Variants in RPTOR observed in about 807,000 individuals in gnomAD.
RPTOR encodes the protein regulatory-associated protein of mTOR.
RPTOR carries 21 observed loss-of-function variants against 169.9 expected under a neutral mutation model. The observed-to-expected ratio is 0.12, with a 90% CI of 0.09 to 0.18. The LOEUF is 0.18. RPTOR is among the 10% of genes least tolerant of loss of function. The probability of loss-of-function intolerance (pLI) is 1.00; values close to 1 mark genes in which losing one functional copy is unlikely to be tolerated. For missense variants in RPTOR, 1,133 were observed against 1,855.9 expected (o/e 0.61, Z 7.16); for synonymous variants, 732 against 753.2 (o/e 0.97, Z 0.46).
chr17:80,718,412 C>T (rs1483652916), intron 4 of RPTOR, among the ~76,000 whole-genome samples: 4 of 152,138 alleles, frequency 2.6e-5, no homozygotes, highest in South Asian at 2.1e-4. Flanking sequence ...AGAGCACAGA[C>T]GGAAAGCAAA....
intron 6 of RPTOR, among the ~76,000 whole-genome samples, chr17:80,785,858 A>G (rs1187183442): frequency 6.6e-6 from 1 of 152,154 alleles, no homozygotes; most frequent in African/African-American, 2.4e-5. Flanking sequence ...GAAGCCACTT[A>G]TGTCTTCACC....
At chr17:80,615,672 T>G (rs2065304228) in intron 1 of RPTOR, among the ~76,000 whole-genome samples, 1 of 152,190 alleles carries the variant, frequency 6.6e-6, no homozygotes, top group Non-Finnish European at 1.5e-5. Context: ...GATTTCTTTC[T>G]TCCTTGTCCC....
chr17:80,746,189 G>A lies in RPTOR; in HGVS notation c.655-7821G>A, dbSNP rs1219755599. Among the ~76,000 whole-genome samples, 1 of 144,602 alleles carries A rather than the reference G, an allele frequency of 6.9e-6. No homozygotes were observed. The highest frequency in any genetic ancestry group is 1.6e-5 in the Non-Finnish European group (1 of 64,132). 94.9% of individuals were successfully genotyped at this position (144,602 alleles called of 152,430 possible). A position where few individuals can be genotyped will look rare whatever the true frequency, so the allele number is the denominator to read the frequency against. ...AAAAAAAAAAAAAAAGTGCAGTGCAGGTGATCCCCACCGCCCCCACAGCGG... is the reference window on the plus strand; with the variant it reads ...AAAAAAAAAAAAAAAGTGCAGTGCAAGTGATCCCCACCGCCCCCACAGCGG... On this transcript the variant is annotated intron_variant, in intron 5 of 33. Transcript: ENST00000306801. The surrounding 1 kb of genome is among the most constrained non-coding windows in gnomAD (Gnocchi z 4.5).
intron 27 of RPTOR, 139 bp from the exon 28 acceptor site, chr17:80,949,304 A>G: frequency 1.3e-6 from 1 of 742,654 alleles, no homozygotes; most frequent in Non-Finnish European, 2.4e-6. Flanking sequence ...AGAGATCTGG[A>G]ACCACGGGTA....
chr17:80,644,520 A>G (rs900695049), intron 3 of RPTOR, among the ~76,000 whole-genome samples: 53 of 152,314 alleles, frequency 3.5e-4, no homozygotes, highest in African/African-American at 1.1e-3. Flanking sequence ...GAAGTGCCCT[A>G]TATTCAGCTT....
At chr17:80,694,795 T>C (rs1465771627) in intron 3 of RPTOR, among the ~76,000 whole-genome samples, 3 of 152,200 alleles carry the variant, frequency 2.0e-5, no homozygotes, top group Non-Finnish European at 4.4e-5. Flanking sequence ...TTCTGGCGGT[T>C]CCTGGCTTCA....
At chr17:80,806,793 T>C (rs1381499440) in intron 7 of RPTOR, among the ~76,000 whole-genome samples, 1 of 152,244 alleles carries the variant, frequency 6.6e-6, no homozygotes, top group African/African-American at 2.4e-5. Flanking sequence ...ATATCTTTTT[T>C]CTTTGATTTT....
At chr17:80,817,935 G>C (rs1216041866) in intron 7 of RPTOR, among the ~76,000 whole-genome samples, 1 of 152,224 alleles carries the variant, frequency 6.6e-6, no homozygotes, top group African/African-American at 2.4e-5. Context: ...GGGTCATCAT[G>C]ATGACCTGGA....
At chr17:80,919,391 T>C (rs909307486) in intron 21 of RPTOR, among the ~76,000 whole-genome samples, 2 of 152,166 alleles carry the variant, frequency 1.3e-5, no homozygotes, top group Non-Finnish European at 2.9e-5. Context: ...TGAATCCAGA[T>C]CCTCGATATA....
intron 21 of RPTOR, chr17:80,909,989 C>A (rs2068592934): frequency 6.6e-6 from 1 of 152,226 alleles, no homozygotes; most frequent in African/African-American, 2.4e-5. Flanking sequence ...GAGCTCTGGG[C>A]ATTTGGCCTA....
In RPTOR at chr17:80,676,119, A is replaced by G. The variant is rs139154563; in HGVS notation, c.349-31722A>G. On this transcript the variant is annotated intron_variant, in intron 3 of 33. Coordinates refer to ENST00000306801, the MANE Select transcript of RPTOR (RefSeq NM_020761.3). ...GGATAGTTTTGTTTACTAAGAATTG[A>G]AGGTAATTCTGGAAATTGATAGGTC... Among the ~76,000 whole-genome samples the G allele has an allele frequency of 9.9e-4, 151 of 151,948 alleles. 1 individual carries two copies. The highest frequency in any genetic ancestry group is 3.4e-3 in the African/African-American group (143 of 41,468).
intron 13 of RPTOR, among the ~76,000 whole-genome samples, chr17:80,877,007 G>A (rs2068127395): frequency 7.1e-6 from 1 of 141,552 alleles, no homozygotes; most frequent in Admixed American, 7.1e-5. Flanking sequence ...GGGTGTGTGT[G>A]TCGCCTGCTG....
chr17:80,953,103 G>C (rs1231957634), intron 28 of RPTOR, among the ~76,000 whole-genome samples: 3 of 152,046 alleles, frequency 2.0e-5, no homozygotes, highest in Admixed American at 6.6e-5. Context: ...GACCTCAGGT[G>C]ATCCTCCCAC....
intron 7 of RPTOR, among the ~76,000 whole-genome samples, chr17:80,815,630 G>C (rs1405843881): frequency 6.6e-6 from 1 of 152,262 alleles, no homozygotes; most frequent in South Asian, 2.1e-4. Context: ...ATTGATTTAT[G>C]TCAAGGAAAA....
At chr17:80,891,442 C>T (rs1470588272) in intron 17 of RPTOR, among the ~76,000 whole-genome samples, 5 of 152,198 alleles carry the variant, frequency 3.3e-5, no homozygotes, top group Admixed American at 6.5e-5. Context: ...CGTGTCCTTA[C>T]GAGACCCCCG....
chr17:80,881,033 A>G (rs992897225), intron 14 of RPTOR, among the ~76,000 whole-genome samples: 21 of 152,254 alleles, frequency 1.4e-4, no homozygotes, highest in Non-Finnish European at 2.5e-4. Context: ...TAGTTATTCT[A>G]TAAATGTTTC....
chr17:80,667,311 C>T (rs1053197325), intron 3 of RPTOR, among the ~76,000 whole-genome samples: 3 of 152,108 alleles, frequency 2.0e-5, no homozygotes, highest in African/African-American at 7.2e-5. Context: ...GAAGGGAGAC[C>T]AGGGCTGGGC....
At chr17:80,765,926 G>A (rs537101478) in intron 6 of RPTOR, among the ~76,000 whole-genome samples, 4 of 152,250 alleles carry the variant, frequency 2.6e-5, no homozygotes, top group South Asian at 2.1e-4. Flanking sequence ...ATTCTCTCTC[G>A]CACTAAAACA....
chr17:80,902,976 C>T (rs796461213), intron 20 of RPTOR, among the ~76,000 whole-genome samples: 36 of 152,350 alleles, frequency 2.4e-4, no homozygotes, highest in African/African-American at 7.5e-4. Flanking sequence ...AGCCTCATCC[C>T]GAGAGCGCTG....
Sources: gnomAD v4.1 joint callset for allele counts (sites outside exome capture counted in the v4.1 genomes callset) on GRCh38, gnomAD v4.1.1 for gene constraint, Gnocchi (gnomAD v3.1) non-coding constraint, MANE v1.5 for transcripts, NCBI Gene and HGNC (gene_info 2026-07-23, HGNC 2026-07-21) for gene names.